Variants in GOSR1 observed in about 807,000 individuals in gnomAD.
GOSR1 encodes the protein 28 kDa Golgi SNARE protein.
A neutral mutation model predicts 35.5 loss-of-function variants in GOSR1; 21 were observed. That is an observed-to-expected ratio of 0.59 (90% CI 0.42 to 0.85). The LOEUF (loss-of-function observed/expected upper bound fraction) is 0.85. GOSR1 is among the 40% of genes least tolerant of loss of function. The probability of loss-of-function intolerance (pLI) is 0.00; values close to 1 mark genes in which losing one functional copy is unlikely to be tolerated. For missense variants in GOSR1, 285 were observed against 309.6 expected, an observed-to-expected ratio of 0.92 and a Z score of 0.60; for synonymous variants, 94 against 106.6, an observed-to-expected ratio of 0.88 and a Z score of 0.73.
intron 6 of GOSR1, among the ~76,000 whole-genome samples, chr17:30,507,034 T>A (rs1193343160): frequency 6.6e-6 from 1 of 152,210 alleles, no homozygotes; most frequent in Non-Finnish European, 1.5e-5. Flanking sequence ...TTACTACTCT[T>A]TGACAGTGCA....
At chr17:30,480,857 C>T (rs1451389334) in intron 1 of GOSR1, 2 of 240,360 alleles carry the variant, frequency 8.3e-6, no homozygotes, top group East Asian at 9.3e-5. Flanking sequence ...GGATTACAGG[C>T]GTGCGCCACC....
In GOSR1 at chr17:30,484,447, G is replaced by A. The variant is rs913130391; in HGVS notation, c.234+146G>A. 24 of 673,834 alleles carry A rather than the reference G, an allele frequency of 3.6e-5. No homozygotes were observed. The South Asian group carries it at 4.0e-4, about 11-fold the overall frequency. 41.7% of individuals were successfully genotyped at this position (673,834 alleles called of 1,614,324 possible). ...CTCCCCACACCACTTGAATTTTGATGACAGCCATTCTCAGGTGATATGATG... is the reference window on the plus strand; with the variant it reads ...CTCCCCACACCACTTGAATTTTGATAACAGCCATTCTCAGGTGATATGATG... On this transcript the variant is annotated intron_variant, in intron 3 of 8. Coordinates refer to ENST00000451249, the MANE Select transcript of GOSR1 (RefSeq NM_001007025.2).
intron 6 of GOSR1, among the ~76,000 whole-genome samples, chr17:30,495,767 C>G (rs1332166545): frequency 6.6e-6 from 1 of 152,242 alleles, no homozygotes; most frequent in East Asian, 1.9e-4. Context: ...TCCTGTGCCC[C>G]TGTCTTCCTG....
intron 4 of GOSR1, among the ~76,000 whole-genome samples, chr17:30,486,589 TTA>T (rs1286228682): frequency 3.3e-5 from 5 of 150,728 alleles, no homozygotes; most frequent in Non-Finnish European, 7.4e-5. Context: ...CAGGATAAAA[TTA>T]TATGTCTAGT....
chr17:30,501,588 C>T (rs1401099077), intron 6 of GOSR1, among the ~76,000 whole-genome samples: 1 of 152,044 alleles, frequency 6.6e-6, no homozygotes, highest in Non-Finnish European at 1.5e-5. Flanking sequence ...CCTCCGCCTC[C>T]CGGGTTTAAG....
chr17:30,507,453 G>GCCTGTAAT (rs1289733497), intron 6 of GOSR1, among the ~76,000 whole-genome samples: 13 of 152,130 alleles, frequency 8.5e-5, no homozygotes, highest in Non-Finnish European at 1.9e-4. Flanking sequence ...GGTGGCTCAT[G>GCCTGTAAT]CCTGTAATCC....
At position 30,526,020 on chromosome 17, in the gene GOSR1, AGGAAGGGGCTCCGTGGG is replaced by A. The variant is rs2143980948; in HGVS notation, c.*3644_*3660del. The A allele has an allele frequency of 6.6e-6, 1 of 152,326 alleles. No individual in the cohort carries two copies. The highest frequency in any genetic ancestry group is 1.9e-4 in the East Asian group (1 of 5,194). 9.4% of individuals were successfully genotyped at this position (152,326 alleles called of 1,614,324 possible). A position where few individuals can be genotyped will look rare whatever the true frequency, so the allele number is the denominator to read the frequency against. ...CAAGGGAAGAGAGGTGTGTGTCCAC[AGGAAGGGGCTCCGTGGG>A]GATCCCATGAAGGGATTTGAGCTCT... is the stretch of plus-strand genomic sequence containing the variant. On this transcript the variant is annotated 3_prime_UTR_variant, in exon 9 of 9. Coordinates refer to ENST00000451249, the MANE Select transcript of GOSR1 (RefSeq NM_001007025.2).
At chr17:30,496,119 C>G (rs1401420672) in intron 6 of GOSR1, among the ~76,000 whole-genome samples, 2 of 152,164 alleles carry the variant, frequency 1.3e-5, no homozygotes, top group East Asian at 3.9e-4. Context: ...CTCTTTACCC[C>G]TTTCCTATAG....
chr17:30,514,393 A>G (rs2143878060), intron 7 of GOSR1, among the ~76,000 whole-genome samples: 1 of 152,324 alleles, frequency 6.6e-6, no homozygotes, highest in East Asian at 1.9e-4. Context: ...CCATGTCCTT[A>G]GTAACTTCCT....
rs975966709 is a variant in GOSR1, at chr17:30,524,702, T to G, written c.*2324T>G. Reference sequence around the variant, plus strand: ...TAGCTGAGGAAGGGGACTGCTCAATTTCTAATGTGATCTATTCAAGAAGCC... The same window carrying G: ...TAGCTGAGGAAGGGGACTGCTCAATGTCTAATGTGATCTATTCAAGAAGCC... On this transcript the variant is annotated 3_prime_UTR_variant, in exon 9 of 9. Transcript: ENST00000451249. The G allele has an allele frequency of 1.3e-5, 2 of 152,180 alleles. No individual in the cohort carries two copies. The highest frequency in any genetic ancestry group is 2.9e-5 in the Non-Finnish European group (2 of 68,034). The allele number at this position is 152,180 out of a possible 1,614,324, so 9.4% of individuals were successfully genotyped here.
At chr17:30,519,898 A>G (rs1348458452) in intron 7 of GOSR1, 41 bp from the exon 8 acceptor site, 1 of 1,209,026 alleles carries the variant, frequency 8.3e-7, no homozygotes, top group South Asian at 1.2e-5. Context: ...CAGGCAGGAT[A>G]ATCTTAAATG....
chr17:30,491,220 G>T (rs1358306290), intron 5 of GOSR1, among the ~76,000 whole-genome samples: 4 of 152,056 alleles, frequency 2.6e-5, no homozygotes, highest in African/African-American at 4.8e-5. Flanking sequence ...TAGACACTGA[G>T]CCCCCCCATA....
chr17:30,494,357 T>C (rs1966912354), intron 6 of GOSR1, among the ~76,000 whole-genome samples: 1 of 152,220 alleles, frequency 6.6e-6, no homozygotes, highest in Admixed American at 6.5e-5. Context: ...CGTTTTTGGC[T>C]TCTCTTTCCC....
chr17:30,478,093 CT>C (rs1914071525), intron 1 of GOSR1: 1 of 218,220 alleles, frequency 4.6e-6, no homozygotes, highest in Non-Finnish European at 7.8e-6. Context: ...TTGAGAGAAC[CT>C]GTGTGAATTG....
chr17:30,517,950 T>A (rs1967883718), intron 7 of GOSR1, among the ~76,000 whole-genome samples: 1 of 152,198 alleles, frequency 6.6e-6, no homozygotes. Flanking sequence ...TATGAGAGCC[T>A]CTTAAGCAAT....
chr17:30,520,064 G>A, intron 8 of GOSR1, 43 bp downstream of exon 8: 2 of 1,239,388 alleles, frequency 1.6e-6, no homozygotes. Context: ...TGAGGGTAGA[G>A]GGGAGAAGTG....
In GOSR1 at chr17:30,494,578, C is replaced by A. The variant is rs117261314; in HGVS notation, c.509+1825C>A. Among the ~76,000 whole-genome samples the A allele has an allele frequency of 2.9e-3, 440 of 152,064 alleles. 4 individuals are homozygous for A. The highest frequency in any genetic ancestry group is 0.022 in the South Asian group (108 of 4,812). ...AGTTAATTTTGTATAGTTCTTCTCC[C>A]CACCCCAAGAATTTCTGCCTTTATA... On this transcript the variant is annotated intron_variant, in intron 6 of 8. Transcript: ENST00000451249.
At chr17:30,485,114 C>A in intron 4 of GOSR1, 1 of 344,534 alleles carries the variant, frequency 2.9e-6, no homozygotes, top group Non-Finnish European at 5.6e-6. Context: ...GTACTTTCAG[C>A]TAGCTTTGAA....
chr17:30,517,595 T>C (rs1014492424), intron 7 of GOSR1, among the ~76,000 whole-genome samples: 1 of 152,114 alleles, frequency 6.6e-6, no homozygotes, highest in Admixed American at 6.5e-5. Flanking sequence ...TGGGGGATTT[T>C]TTTTTTTTGG....
Sources: gnomAD v4.1 joint callset for allele counts (sites outside exome capture counted in the v4.1 genomes callset) on GRCh38, gnomAD v4.1.1 for gene constraint, MANE v1.5 for transcripts, NCBI Gene and HGNC (gene_info 2026-07-23, HGNC 2026-07-21) for gene names.